SUV39H2: variants seen among roughly 807,000 people sequenced by gnomAD.
The protein encoded by SUV39H2 is SUV39H2 histone lysine methyltransferase.
A neutral mutation model predicts 47.5 loss-of-function variants in SUV39H2; 10 were observed. The ratio of observed to expected loss-of-function variants is 0.21; its 90% confidence interval spans 0.13 to 0.36. The LOEUF (loss-of-function observed/expected upper bound fraction) is 0.36. Ranked by LOEUF, SUV39H2 falls within the 10% of genes least tolerant of loss-of-function variation. SUV39H2 has a pLI of 1.00. For missense variants in SUV39H2, 266 were observed against 487.4 expected, an observed-to-expected ratio of 0.55 and a Z score of 4.28; for synonymous variants, 159 against 166.8, an observed-to-expected ratio of 0.95 and a Z score of 0.36.
intron 4 of SUV39H2, among the ~76,000 whole-genome samples, chr10:14,899,886 T>C (rs12772589): frequency 0.032 from 4,838 of 152,302 alleles, 109 homozygotes; most frequent in Non-Finnish European, 0.047. Context: ...CTACCAAATA[T>C]TAATAGGGTG....
chr10:14,895,162 C>T (rs1202677022), intron 2 of SUV39H2, among the ~76,000 whole-genome samples: 14 of 148,288 alleles, frequency 9.4e-5, no homozygotes, highest in Admixed American at 7.4e-4. Context: ...TGTTTTTTAT[C>T]TTTTATTTTT....
chr10:14,894,928 T>G (rs1363673015), intron 2 of SUV39H2, among the ~76,000 whole-genome samples: 1 of 152,174 alleles, frequency 6.6e-6, no homozygotes, highest in South Asian at 2.1e-4. Context: ...ATAAAAACTT[T>G]CTTAAAATTT....
At position 14,897,280 on chromosome 10, in the gene SUV39H2, T is replaced by C; in HGVS notation, c.612T>C (p.Ala204=). Residue 204 remains alanine (A), a synonymous_variant, in exon 3 of 6, where the codon GCT becomes GCC. Transcript: ENST00000354919. ...GCTTCTTTCAAAAATGTTGTCCTGC[T>C]GAAGCTGGAGTTCTTTTGGCTTATA... The part of the protein sequence containing the change: ...TDCFFQKCCP[A]EAGVLLAYNK... 1 of 1,613,934 alleles carries C rather than the reference T, an allele frequency of 6.2e-7. No homozygotes were observed. The highest frequency in any genetic ancestry group is 8.5e-7 in the Non-Finnish European group (1 of 1,180,014).
chr10:14,897,340 T>G lies in SUV39H2; in HGVS notation c.672T>G (p.Thr224=), dbSNP rs1244253615. Reference sequence around the variant, plus strand: ...AACAAATTAAAATCCCACCTGGTACTCCCATCTATGAATGCAACTCAAGGT... The same window carrying G: ...AACAAATTAAAATCCCACCTGGTACGCCCATCTATGAATGCAACTCAAGGT... ...KNQQIKIPPG[T]PIYECNSRCQ... is the part of the protein sequence containing the mutation. The change falls in exon 3 of 6, where the codon ACT becomes ACG. Residue 224 remains threonine, a synonymous_variant. Transcript: ENST00000354919. The G allele has an allele frequency of 6.2e-7, 1 of 1,613,000 alleles. No individual in the cohort carries two copies. The highest frequency in any genetic ancestry group is 8.5e-7 in the Non-Finnish European group (1 of 1,179,846).
intron 4 of SUV39H2, among the ~76,000 whole-genome samples, chr10:14,899,999 G>GT (rs1421839533): frequency 1.3e-5 from 2 of 152,108 alleles, no homozygotes; most frequent in Non-Finnish European, 2.9e-5. Flanking sequence ...CAATTAAGAG[G>GT]TAAAATGTCC....
Position 14,901,237 on chromosome 10 carries a change from G to A in SUV39H2, c.1101G>A (p.Glu367=). The A allele has an allele frequency of 6.2e-7, 1 of 1,613,962 alleles. No homozygotes were observed. ...FSTRTINAGE[E]LTFDYQMKGS... is the part of the protein sequence containing the mutation. ...CAAGAACCATAAATGCTGGAGAAGA[G>A]CTGACTTTTGATTATCAAATGAAAG... Residue 367 remains glutamate (E), a synonymous_variant, in exon 5 of 6, where the codon GAG becomes GAA. Coordinates refer to ENST00000354919, the MANE Select transcript of SUV39H2 (RefSeq NM_001193424.2).
chr10:14,902,630 A>G lies in SUV39H2; in HGVS notation c.*118A>G. ...TTCTACCTATGTTAATTTACAATTCATGTTTCAAGACATTTGCCAAATGTA... is the reference window on the plus strand; with the variant it reads ...TTCTACCTATGTTAATTTACAATTCGTGTTTCAAGACATTTGCCAAATGTA... On this transcript the variant is annotated 3_prime_UTR_variant, in exon 6 of 6. Coordinates refer to ENST00000354919, the MANE Select transcript of SUV39H2 (RefSeq NM_001193424.2). The G allele has an allele frequency of 3.0e-6, 2 of 677,306 alleles. No individual in the cohort carries two copies. The highest frequency in any genetic ancestry group is 4.7e-6 in the Non-Finnish European group (2 of 425,270). The allele number at this position is 677,306 out of a possible 1,614,324, so 42.0% of individuals were successfully genotyped here. A position where few individuals can be genotyped will look rare whatever the true frequency, so the allele number is the denominator to read the frequency against.
intron 2 of SUV39H2, among the ~76,000 whole-genome samples, chr10:14,886,660 TACTC>T (rs1833219674): frequency 6.6e-6 from 1 of 152,252 alleles, no homozygotes; most frequent in Non-Finnish European, 1.5e-5. Flanking sequence ...CTCGTATACT[TACTC>T]AACAAATATT....
intron 1 of SUV39H2, chr10:14,879,139 C>A (rs894365724): frequency 8.0e-6 from 10 of 1,243,036 alleles, no homozygotes; most frequent in Non-Finnish European, 1.0e-5. Context: ...TGGGCACTGT[C>A]CGAGCCTGGG....
At chr10:14,892,940 C>G (rs1300253868) in intron 2 of SUV39H2, among the ~76,000 whole-genome samples, 1 of 151,524 alleles carries the variant, frequency 6.6e-6, no homozygotes. Flanking sequence ...CTGCCTCAGC[C>G]TCCCAAGTAG....
At chr10:14,885,189 G>A (rs1474131697) in intron 2 of SUV39H2, among the ~76,000 whole-genome samples, 1 of 152,044 alleles carries the variant, frequency 6.6e-6, no homozygotes, top group Non-Finnish European at 1.5e-5. Context: ...ATCTTTCTGA[G>A]GCCTTGAGCC....
At chr10:14,895,591 G>A (rs1833553237) in intron 2 of SUV39H2, among the ~76,000 whole-genome samples, 1 of 152,152 alleles carries the variant, frequency 6.6e-6, no homozygotes, top group Admixed American at 6.5e-5. Flanking sequence ...CCAAGGCATC[G>A]TGGCCAACAA....
intron 2 of SUV39H2, among the ~76,000 whole-genome samples, chr10:14,896,481 A>G (rs982485885): frequency 6.6e-6 from 1 of 152,184 alleles, no homozygotes; most frequent in Non-Finnish European, 1.5e-5. Flanking sequence ...CCTAGGTCAT[A>G]AAGAGTTAGC....
chr10:14,891,907 G>A (rs1053195180), intron 2 of SUV39H2, among the ~76,000 whole-genome samples: 5 of 152,306 alleles, frequency 3.3e-5, no homozygotes, highest in Admixed American at 2.0e-4. Context: ...CAAAGAGATC[G>A]TTTGTAGTAG....
chr10:14,891,487 A>G (rs867763271), intron 2 of SUV39H2, among the ~76,000 whole-genome samples: 21 of 152,326 alleles, frequency 1.4e-4, no homozygotes, highest in African/African-American at 4.6e-4. Context: ...ACTCCATAGT[A>G]AAGAAGGATA....
chr10:14,880,630 G>T (rs897252444), intron 1 of SUV39H2, among the ~76,000 whole-genome samples: 4 of 152,114 alleles, frequency 2.6e-5, no homozygotes, highest in African/African-American at 9.7e-5. Flanking sequence ...TTTCCTAAAC[G>T]TGTTAATTTA....
intron 3 of SUV39H2, chr10:14,898,915 CAG>C: frequency 3.2e-6 from 1 of 314,998 alleles, no homozygotes; most frequent in Non-Finnish European, 5.8e-6. Context: ...CATATACTTG[CAG>C]ATTTAGTCCT....
intron 2 of SUV39H2, among the ~76,000 whole-genome samples, chr10:14,890,721 G>GA (rs1457110631): frequency 6.6e-6 from 1 of 152,194 alleles, no homozygotes; most frequent in East Asian, 1.9e-4. Flanking sequence ...AAAATTGGCA[G>GA]AAAAAATTAC....
intron 3 of SUV39H2, chr10:14,898,486 A>G (rs916564420): frequency 1.3e-5 from 2 of 152,072 alleles, no homozygotes; most frequent in African/African-American, 2.4e-5. Flanking sequence ...GTATTCATCT[A>G]TAATTCTGAA....
Sources: gnomAD v4.1 joint callset for allele counts (sites outside exome capture counted in the v4.1 genomes callset) on GRCh38, gnomAD v4.1.1 for gene constraint, MANE v1.5 for transcripts, NCBI Gene and HGNC (gene_info 2026-07-23, HGNC 2026-07-21) for gene names.